The following RNF126 variants were observed in gnomAD, a reference collection of about 807,000 sequenced individuals.
RNF126 encodes E3 ubiquitin-protein ligase RNF126.
Under a neutral mutation model 41.9 loss-of-function variants are expected in RNF126, and 20 were observed. The ratio of observed to expected loss-of-function variants is 0.48; its 90% confidence interval spans 0.34 to 0.69. RNF126 has a LOEUF of 0.69. RNF126 is among the 30% of genes least tolerant of loss of function. The probability of loss-of-function intolerance (pLI) is 0.01; values close to 1 mark genes in which losing one functional copy is unlikely to be tolerated. For synonymous variants in RNF126, 239 were observed against 202.9 expected (o/e 1.18, Z -1.51); for missense variants, 433 against 460.6 (o/e 0.94, Z 0.55).
Position 663,193 on chromosome 19 carries a change from G to C in RNF126, c.-72C>G, listed in dbSNP as rs1274982960. On this transcript the variant is annotated 5_prime_UTR_variant, in exon 1 of 9. Coordinates refer to ENST00000292363, the MANE Select transcript of RNF126 (RefSeq NM_194460.3). ...GCCGCCGGCCGTTTGCTGCTCCCTC[G>C]CCGGCCGACGCGCCCGCGCACGCTC... 1.8e-6 allele frequency: 1 copy of C among 560,388 alleles called. No homozygotes were observed. The highest frequency in any genetic ancestry group is 2.1e-5 in the African/African-American group (1 of 48,488). 34.7% of individuals were successfully genotyped at this position (560,388 alleles called of 1,614,324 possible). A position where few individuals can be genotyped will look rare whatever the true frequency, so the allele number is the denominator to read the frequency against.
rs978401294 is a variant in RNF126, at chr19:647,784, G to A, written c.*344C>T. 2.6e-5 allele frequency: 10 copies of A among 379,424 alleles called. No individual in the cohort carries two copies. The highest frequency in any genetic ancestry group is 7.8e-5 in the East Asian group (1 of 12,874). The allele number at this position is 379,424 out of a possible 1,614,324, so 23.5% of individuals were successfully genotyped here. A position where few individuals can be genotyped will look rare whatever the true frequency, so the allele number is the denominator to read the frequency against. On this transcript the variant is annotated 3_prime_UTR_variant, in exon 9 of 9. Transcript: ENST00000292363. ...GGGGAGCCGCTGGGCCCCGTCTTCC[G>A]CCACAAACCATGCATGGCCGCCACG...
intron 1 of RNF126, among the ~76,000 whole-genome samples, chr19:661,777 T>G (rs995592379): frequency 6.6e-6 from 1 of 152,154 alleles, no homozygotes; most frequent in African/African-American, 2.4e-5. Flanking sequence ...GCCGGGCGGC[T>G]ACGTACACAG....
At chr19:648,556 T>A (rs2030095770) in intron 7 of RNF126, 69 bp from the exon 8 acceptor site, 1 of 1,281,724 alleles carries the variant, frequency 7.8e-7, no homozygotes, top group East Asian at 2.5e-5. Context: ...GGCAGGCTAC[T>A]CCACAGCCTC....
intron 4 of RNF126, chr19:650,586 T>A: frequency 3.6e-5 from 6 of 164,588 alleles, no homozygotes; most frequent in Non-Finnish European, 5.9e-5. Context: ...CTCGGCTACT[T>A]TTTTTTTTTT....
chr19:657,157 C>G (rs1178745850), intron 1 of RNF126, among the ~76,000 whole-genome samples: 1 of 152,216 alleles, frequency 6.6e-6, no homozygotes, highest in African/African-American at 2.4e-5. Context: ...CCAGAAGGGC[C>G]TGAGGGAGAA....
At chr19:658,006 C>G (rs549650260) in intron 1 of RNF126, among the ~76,000 whole-genome samples, 2 of 152,010 alleles carry the variant, frequency 1.3e-5, no homozygotes, top group Admixed American at 1.3e-4. Flanking sequence ...CCACCTTCTC[C>G]GGGGGCAGCA....
In RNF126 at chr19:659,093, A is replaced by G. The variant is rs2030685681; in HGVS notation, c.75+3954T>C. Among the ~76,000 whole-genome samples the G allele has an allele frequency of 6.6e-6, 1 of 152,234 alleles. No homozygotes were observed. Among genetic ancestry groups the G allele is most frequent in the Non-Finnish European group, 1.5e-5 (1 of 68,034 alleles). On this transcript the variant is annotated intron_variant, in intron 1 of 8. Transcript: ENST00000292363. This position sits in a 1 kb window ranked among gnomAD's most constrained non-coding sequence, Gnocchi z 4.9. Reference sequence around the variant, plus strand: ...CCCGTTCCGGAGAACCCAGCTGTGCAGAGCCGCTCCAGGGTGCTGGCCGGA... The same window carrying G: ...CCCGTTCCGGAGAACCCAGCTGTGCGGAGCCGCTCCAGGGTGCTGGCCGGA...
chr19:648,348 G>GGGGCGGGTGGGC (rs747190492), intron 8 of RNF126, 24 bp downstream of exon 8: 2 of 581,252 alleles, frequency 3.4e-6, no homozygotes, highest in East Asian at 1.3e-4. Flanking sequence ...TCGGGGTGGG[G>GGGGCGGGTGGGC]GGGCGGGTGG....
At chr19:650,496 C>T (rs1385147229) in intron 4 of RNF126, 200 bp from the exon 5 acceptor site, 1 of 498,262 alleles carries the variant, frequency 2.0e-6, no homozygotes, top group East Asian at 3.3e-5. Flanking sequence ...TGGTTCACTG[C>T]AGCCCCAACC....
At chr19:661,066 G>A (rs931498939) in intron 1 of RNF126, among the ~76,000 whole-genome samples, 4 of 152,230 alleles carry the variant, frequency 2.6e-5, no homozygotes, top group Non-Finnish European at 5.9e-5. Context: ...TTCTGTGAGG[G>A]CAAAGACCAC....
intron 2 of RNF126, 152 bp from the exon 3 acceptor site, chr19:652,448 C>T (rs548195585): frequency 2.4e-4 from 165 of 696,394 alleles, no homozygotes; most frequent in South Asian, 7.5e-4. Flanking sequence ...TGCCGTAACC[C>T]GCTGCTGCTT....
intron 1 of RNF126, among the ~76,000 whole-genome samples, 183 bp downstream of exon 1, chr19:662,864 C>A (rs549696972): frequency 2.3e-4 from 35 of 152,088 alleles, no homozygotes; most frequent in African/African-American, 7.2e-4. Context: ...GGACGGGGTT[C>A]GCGCGCGCAC....
chr19:658,526 A>G (rs1222967549), intron 1 of RNF126, among the ~76,000 whole-genome samples: 2 of 152,064 alleles, frequency 1.3e-5, no homozygotes, highest in East Asian at 1.9e-4. Flanking sequence ...AGGGTGCCCA[A>G]AGCTTCCCGG....
intron 1 of RNF126, among the ~76,000 whole-genome samples, chr19:656,440 GGTTAGGAGTTC>G (rs1199548103): frequency 2.0e-5 from 3 of 152,146 alleles, no homozygotes; most frequent in African/African-American, 7.2e-5. Flanking sequence ...GATCACTTGA[GGTTAGGAGTTC>G]GAGACCAGCC....
At chr19:655,244 G>A (rs2030511460) in intron 1 of RNF126, among the ~76,000 whole-genome samples, 1 of 151,892 alleles carries the variant, frequency 6.6e-6, no homozygotes, top group Non-Finnish European at 1.5e-5. Context: ...GAGGCAGAAT[G>A]GCTTGAGTCC....
At chr19:653,347 G>A (rs1416060823) in intron 1 of RNF126, among the ~76,000 whole-genome samples, 1 of 152,204 alleles carries the variant, frequency 6.6e-6, no homozygotes, top group African/African-American at 2.4e-5. Flanking sequence ...CCACACCCCT[G>A]CAAGACCCCA....
Position 648,774 on chromosome 19 carries a change from G to A in RNF126, c.670+108C>T, listed in dbSNP as rs2030108625. On this transcript the variant is annotated intron_variant, in intron 7 of 8. Transcript: ENST00000292363. The stretch of plus-strand genomic sequence containing the variant: ...ACCTGAGGTCAGGAGTTCGAGACCT[G>A]CCTGACCAACATGGTGAAACCCTGT... The A allele has an allele frequency of 5.3e-6, 4 of 750,720 alleles. No individual in the cohort carries two copies. The South Asian group carries it at 7.8e-5, about 15-fold the overall frequency. 46.5% of individuals were successfully genotyped at this position (750,720 alleles called of 1,614,324 possible).
chr19:662,379 G>C (rs1019983623), intron 1 of RNF126, among the ~76,000 whole-genome samples: 2 of 152,210 alleles, frequency 1.3e-5, no homozygotes, highest in Non-Finnish European at 2.9e-5. Flanking sequence ...TAAACACCTG[G>C]AGGAAGGGTG....
At chr19:652,758 G>T in intron 2 of RNF126, 68 bp downstream of exon 2, 1 of 1,466,672 alleles carries the variant, frequency 6.8e-7, no homozygotes, top group Non-Finnish European at 9.5e-7. Context: ...CGCCAGCACA[G>T]CCCACACCCC....
Sources: allele counts gnomAD v4.1 joint callset (sites outside exome capture counted in the v4.1 genomes callset), GRCh38; gene constraint gnomAD v4.1.1; non-coding constraint Gnocchi (gnomAD v3.1); transcripts MANE v1.5; gene names NCBI Gene and HGNC (gene_info 2026-07-23, HGNC 2026-07-21).